The following NDUFB6 variants were observed in gnomAD, a reference collection of about 807,000 sequenced individuals.
NDUFB6 encodes the protein NADH dehydrogenase [ubiquinone] 1 beta subcomplex subunit 6.
A neutral mutation model predicts 17.5 loss-of-function variants in NDUFB6; 23 were observed. The observed-to-expected ratio is 1.31, with a 90% CI of 0.94 to 1.86. The LOEUF is 1.86. Ranked by LOEUF, NDUFB6 falls within the 40% of genes most tolerant of loss-of-function variation. The pLI, the probability that NDUFB6 is intolerant of heterozygous loss-of-function variation, is 0.00. For synonymous variants in NDUFB6, 60 were observed against 53.5 expected (o/e 1.12, Z -0.53); for missense variants, 167 against 153.8 (o/e 1.09, Z -0.46).
At chr9:32,566,535 TCTGTTGTATAG>T in intron 2 of NDUFB6, 1 of 771,760 alleles carries the variant, frequency 1.3e-6, no homozygotes, top group Non-Finnish European at 2.4e-6. Flanking sequence ...CCTTGGCTCC[TCTGTTGTATAG>T]CTGCCGTCGT....
chr9:32,561,396 C>T (rs1321832335), intron 2 of NDUFB6, among the ~76,000 whole-genome samples: 1 of 151,832 alleles, frequency 6.6e-6, no homozygotes, highest in Non-Finnish European at 1.5e-5. Flanking sequence ...GGCCCAATCT[C>T]GACTCACTGC....
At chr9:32,557,783 C>G (rs1398871503) in intron 3 of NDUFB6, among the ~76,000 whole-genome samples, 1 of 152,064 alleles carries the variant, frequency 6.6e-6, no homozygotes, top group Non-Finnish European at 1.5e-5. Flanking sequence ...GGCCCCTCCC[C>G]CAACTATTTC....
At chr9:32,563,323 CCT>C (rs1473441663) in intron 2 of NDUFB6, among the ~76,000 whole-genome samples, 2 of 151,740 alleles carry the variant, frequency 1.3e-5, no homozygotes, top group African/African-American at 2.4e-5. Context: ...GTATTAGCAT[CCT>C]CTTTTTTTTT....
At chr9:32,563,759 C>T (rs1028574536) in intron 2 of NDUFB6, among the ~76,000 whole-genome samples, 3 of 152,086 alleles carry the variant, frequency 2.0e-5, no homozygotes, top group African/African-American at 7.2e-5. Flanking sequence ...TTTATTAATT[C>T]ACTTATTTAT....
chr9:32,554,751 T>C (rs887992215), intron 3 of NDUFB6, among the ~76,000 whole-genome samples: 1 of 152,232 alleles, frequency 6.6e-6, no homozygotes, highest in Admixed American at 6.5e-5. Context: ...ATCATTGCCT[T>C]GAAGTGGCAC....
In NDUFB6 at chr9:32,553,699, T is replaced by C. The variant is rs1821370675; in HGVS notation, c.*177A>G. 1.8e-6 allele frequency: 1 copy of C among 561,916 alleles called. No individual in the cohort carries two copies. The highest frequency in any genetic ancestry group is 1.9e-5 in the African/African-American group (1 of 52,700). The allele number at this position is 561,916 out of a possible 1,614,324, so 34.8% of individuals were successfully genotyped here. On this transcript the variant is annotated 3_prime_UTR_variant, in exon 4 of 4. Coordinates refer to ENST00000379847, the MANE Select transcript of NDUFB6 (RefSeq NM_002493.5). Reference sequence around the variant, plus strand: ...GGTAGTCTCTCATATTTGTTTAGCATGTCCACTTTTTACTTATTGTTAAAT... The same window carrying C: ...GGTAGTCTCTCATATTTGTTTAGCACGTCCACTTTTTACTTATTGTTAAAT...
intron 2 of NDUFB6, among the ~76,000 whole-genome samples, chr9:32,559,930 C>T (rs915634246): frequency 3.9e-5 from 6 of 152,138 alleles, no homozygotes; most frequent in Non-Finnish European, 7.3e-5. Flanking sequence ...TTGTTGAATA[C>T]ATGTACTTTT....
At chr9:32,568,225 G>A (rs1249816127) in intron 2 of NDUFB6, 1 of 169,068 alleles carries the variant, frequency 5.9e-6, no homozygotes, top group Middle Eastern at 3.1e-3. Flanking sequence ...CAACTCTCGT[G>A]GATGACTTTG....
Position 32,553,663 on chromosome 9 carries a change from C to A in NDUFB6, c.*213G>T. The A allele has an allele frequency of 4.0e-6, 2 of 501,934 alleles. No individual in the cohort carries two copies. Among genetic ancestry groups the A allele is most frequent in the Non-Finnish European group, 3.5e-6 (1 of 281,934 alleles). 31.1% of individuals were successfully genotyped at this position (501,934 alleles called of 1,614,324 possible). ...TACCGTTTTCCAAGTCAAGAATGAC[C>A]AGAAAAAGTAGGTAGTCTCTCATAT... On this transcript the variant is annotated 3_prime_UTR_variant, in exon 4 of 4. Coordinates refer to ENST00000379847, the MANE Select transcript of NDUFB6 (RefSeq NM_002493.5).
Position 32,553,915 on chromosome 9 carries a change from T to C in NDUFB6, c.348A>G (p.Val116=), listed in dbSNP as rs527609499. The C allele has an allele frequency of 2.5e-6, 4 of 1,599,252 alleles. 1 individual carries two copies. The South Asian group carries it at 4.4e-5, about 18-fold the overall frequency. ...CAGGAAATTCTTTCATTGGTGGAAT[T>C]ACTTCTCCAGTCTCCAGAATTGTAT... ...PGDTILETGE[V]IPPMKEFPDQ... The change falls in exon 4 of 4, where the codon GTA becomes GTG. Residue 116 remains valine (V), a synonymous_variant. Transcript: ENST00000379847.
rs1587632418 is a variant in NDUFB6, at chr9:32,553,689, T to C, written c.*187A>G. 1 of 544,978 alleles carries C rather than the reference T, an allele frequency of 1.8e-6. No individual in the cohort carries two copies. The highest frequency in any genetic ancestry group is 3.2e-5 in the East Asian group (1 of 31,722). The allele number at this position is 544,978 out of a possible 1,614,324, so 33.8% of individuals were successfully genotyped here. A position where few individuals can be genotyped will look rare whatever the true frequency, so the allele number is the denominator to read the frequency against. On this transcript the variant is annotated 3_prime_UTR_variant, in exon 4 of 4. Transcript: ENST00000379847. ...AGAAAAAGTAGGTAGTCTCTCATAT[T>C]TGTTTAGCATGTCCACTTTTTACTT...
At chr9:32,562,311 T>C (rs1563994315) in intron 2 of NDUFB6, among the ~76,000 whole-genome samples, 1 of 152,224 alleles carries the variant, frequency 6.6e-6, no homozygotes, top group Non-Finnish European at 1.5e-5. Context: ...CACTCCGTAC[T>C]TGTTAATCAA....
intron 3 of NDUFB6, among the ~76,000 whole-genome samples, chr9:32,556,692 A>C (rs1240114028): frequency 3.3e-5 from 5 of 152,208 alleles, no homozygotes; most frequent in Non-Finnish European, 7.3e-5. Flanking sequence ...AGTAAATGGC[A>C]AAATAAATTA....
rs1281992358 is a variant in NDUFB6, at chr9:32,572,933, A to G, written c.128T>C (p.Met43Thr). 1.2e-6 allele frequency: 2 copies of G among 1,608,038 alleles called. No homozygotes were observed. The highest frequency in any genetic ancestry group is 1.3e-5 in the African/African-American group (1 of 74,644). ...PVLPPQKMGP[M>T]EKFWNKFLEN... ...CAAAAATTTATTCCAGAATTTCTCC[A>G]TAGGCCCCATCTTCTGTGGGGGCAG... Residue 43 changes from methionine (M) to threonine (T), a missense_variant, in exon 1 of 4, where the codon ATG becomes ACG. Physicochemically the swap from Met to Thr is moderately conservative, Grantham distance 81. Transcript: ENST00000379847.
At chr9:32,572,331 C>T (rs1821955942) in intron 1 of NDUFB6, among the ~76,000 whole-genome samples, 1 of 152,116 alleles carries the variant, frequency 6.6e-6, no homozygotes, top group Non-Finnish European at 1.5e-5. Flanking sequence ...TAATGAAACA[C>T]TGTGTTAAAA....
intron 1 of NDUFB6, 31 bp downstream of exon 1, chr9:32,572,850 T>A: frequency 6.5e-7 from 1 of 1,526,762 alleles, no homozygotes; most frequent in Non-Finnish European, 8.8e-7. Flanking sequence ...GTGGGATGTG[T>A]TGGGGGGGAC....
intron 3 of NDUFB6, among the ~76,000 whole-genome samples, chr9:32,558,117 A>ATTTTTTTTTTTTTTTT (rs74178816): frequency 7.4e-6 from 1 of 135,230 alleles, no homozygotes; most frequent in Non-Finnish European, 1.6e-5. Flanking sequence ...CATAGTATAC[A>ATTTTTTTTTTTTTTTT]TTTTTTTTTT....
At chr9:32,557,756 C>A (rs1420071908) in intron 3 of NDUFB6, among the ~76,000 whole-genome samples, 1 of 151,824 alleles carries the variant, frequency 6.6e-6, no homozygotes, top group African/African-American at 2.4e-5. Flanking sequence ...GGATTACACG[C>A]GTGAGCCACC....
At chr9:32,561,388 C>T (rs1263955775) in intron 2 of NDUFB6, among the ~76,000 whole-genome samples, 1 of 151,726 alleles carries the variant, frequency 6.6e-6, no homozygotes, top group Non-Finnish European at 1.5e-5. Flanking sequence ...AGTGCGGTGG[C>T]CCAATCTCGA....
Sources: gnomAD v4.1 joint callset for allele counts (sites outside exome capture counted in the v4.1 genomes callset) on GRCh38, gnomAD v4.1.1 for gene constraint, MANE v1.5 for transcripts, NCBI Gene and HGNC (gene_info 2026-07-23, HGNC 2026-07-21) for gene names.